The following PRKG1 variants were observed in gnomAD, a reference collection of about 807,000 sequenced individuals.
PRKG1 encodes cGMP-dependent protein kinase 1.
A neutral mutation model predicts 88.1 loss-of-function variants in PRKG1; 35 were observed. The ratio of observed to expected loss-of-function variants is 0.40; its 90% CI spans 0.30 to 0.53. PRKG1 has a LOEUF of 0.53. PRKG1 is among the 20% of genes least tolerant of loss of function. The probability of loss-of-function intolerance (pLI) is 0.59; values close to 1 mark genes in which losing one functional copy is unlikely to be tolerated. For missense variants in PRKG1, 540 were observed against 839.8 expected (o/e 0.64, Z 4.41); for synonymous variants, 303 against 292.5 (o/e 1.04, Z -0.37).
chr10:52,035,136 T>C (rs1292795307), intron 5 of PRKG1, among the ~76,000 whole-genome samples: 1 of 152,208 alleles, frequency 6.6e-6, no homozygotes, highest in Non-Finnish European at 1.5e-5. Context: ...TGAGGAATTA[T>C]GTCTGACAGA....
At chr10:51,375,024 A>G (rs999406934) in intron 2 of PRKG1, among the ~76,000 whole-genome samples, 1 of 152,196 alleles carries the variant, frequency 6.6e-6, no homozygotes, top group Non-Finnish European at 1.5e-5. Context: ...GACAGCAGTT[A>G]CAATATTAGG....
intron 1 of PRKG1, among the ~76,000 whole-genome samples, chr10:51,023,448 A>G (rs1458487578): frequency 6.6e-6 from 1 of 152,204 alleles, no homozygotes; most frequent in African/African-American, 2.4e-5. Context: ...TCTATAAAGC[A>G]TTGAGAAGTT....
At chr10:51,374,314 A>T (rs953869797) in intron 2 of PRKG1, among the ~76,000 whole-genome samples, 1 of 146,664 alleles carries the variant, frequency 6.8e-6, no homozygotes, top group African/African-American at 2.5e-5. Context: ...TCATTGTTCA[A>T]CTCCCACCCA....
intron 3 of PRKG1, among the ~76,000 whole-genome samples, chr10:51,669,326 GTC>G (rs775693088): frequency 6.6e-6 from 1 of 152,134 alleles, no homozygotes; most frequent in Non-Finnish European, 1.5e-5. Context: ...GAGATCTGAT[GTC>G]TCTTTCTTCT....
chr10:51,950,935 G>A (rs1180849781), intron 5 of PRKG1, among the ~76,000 whole-genome samples: 2 of 152,260 alleles, frequency 1.3e-5, no homozygotes, highest in Admixed American at 6.5e-5. Context: ...ACGTGGGGGT[G>A]GTCCCCCAAT....
In PRKG1 at chr10:51,444,265, G is replaced by A. The variant is rs1012186597; in HGVS notation, c.479-23458G>A. ...AGGACTCTGGAAAGAAAAGCCAACA[G>A]AGAATTGCACCTCATCATTTTGCAG... On this transcript the variant is annotated intron_variant, in intron 2 of 17. Coordinates refer to ENST00000373980, the MANE Select transcript of PRKG1 (RefSeq NM_006258.4). 2.6e-5 allele frequency among the ~76,000 whole-genome samples: 4 copies of A among 151,714 alleles called. No homozygotes were observed. In the Admixed American group the frequency reaches 2.6e-4, roughly 10 times the overall value.
intron 2 of PRKG1, among the ~76,000 whole-genome samples, chr10:51,166,185 C>T (rs1053255297): frequency 4.7e-5 from 7 of 150,190 alleles, no homozygotes; most frequent in East Asian, 1.9e-4. Context: ...CACTCAATGA[C>T]GGTACATGCC....
At chr10:51,800,376 G>A (rs771003073) in intron 3 of PRKG1, among the ~76,000 whole-genome samples, 13 of 152,008 alleles carry the variant, frequency 8.6e-5, no homozygotes, top group Non-Finnish European at 7.4e-5. Flanking sequence ...TGTGTAACTC[G>A]AAAATGCATT....
intron 3 of PRKG1, among the ~76,000 whole-genome samples, chr10:51,571,833 T>C (rs1007231881): frequency 6.6e-6 from 1 of 151,846 alleles, no homozygotes; most frequent in Non-Finnish European, 1.5e-5. Flanking sequence ...AAGATAGATA[T>C]ATTATTGTGG....
intron 1 of PRKG1, among the ~76,000 whole-genome samples, chr10:51,082,595 T>G (rs7071875): frequency 0.89 from 135,193 of 151,982 alleles, 60,321 homozygotes; most frequent in African/African-American, 0.97. Context: ...GTGTGTGTGT[T>G]TGTTGTGTGT....
At chr10:51,375,761 GTGTTACTATTTTATATAAA>G (rs765744949) in intron 2 of PRKG1, among the ~76,000 whole-genome samples, 32,417 of 151,452 alleles carry the variant, frequency 0.21, 3,554 homozygotes, top group Middle Eastern at 0.27. Flanking sequence ...TGGTGGGGGG[GTGTTACTATTTTATATAAA>G]GTGATCAGGG....
chr10:51,035,604 C>A (rs945066293), intron 1 of PRKG1, among the ~76,000 whole-genome samples: 1 of 152,138 alleles, frequency 6.6e-6, no homozygotes, highest in Non-Finnish European at 1.5e-5. Context: ...GCTCTGTAGC[C>A]TCAGCACCTA....
intron 2 of PRKG1, among the ~76,000 whole-genome samples, chr10:51,306,307 G>A (rs1335950065): frequency 2.0e-5 from 3 of 152,110 alleles, no homozygotes; most frequent in African/African-American, 7.2e-5. Flanking sequence ...TCACAGGCGA[G>A]AATGACAAGT....
intron 3 of PRKG1, among the ~76,000 whole-genome samples, chr10:51,508,359 T>G (rs1043186288): frequency 1.3e-5 from 2 of 152,172 alleles, no homozygotes; most frequent in Non-Finnish European, 2.9e-5. Flanking sequence ...TGATAATATT[T>G]TTAAAAATAA....
chr10:51,343,231 A>T (rs10996990), intron 2 of PRKG1, among the ~76,000 whole-genome samples: 2,146 of 152,056 alleles, frequency 0.014, 19 homozygotes, highest in Non-Finnish European at 0.021. Flanking sequence ...TTCCATCCCC[A>T]CTATCACCTG....
chr10:51,763,622 T>G (rs562043347), intron 3 of PRKG1, among the ~76,000 whole-genome samples: 31 of 141,814 alleles, frequency 2.2e-4, no homozygotes, highest in Non-Finnish European at 3.5e-4. Flanking sequence ...AAAAAAAAAG[T>G]AAGCATTCTC....
chr10:51,591,143 GTA>G (rs529059639), intron 3 of PRKG1, among the ~76,000 whole-genome samples: 42 of 39,622 alleles, frequency 1.1e-3, no homozygotes, highest in African/African-American at 1.8e-3. Context: ...AGGAAAAGTA[GTA>G]TGTGTGTGTG....
intron 4 of PRKG1, among the ~76,000 whole-genome samples, chr10:51,817,412 T>C (rs1564659155): frequency 6.9e-6 from 1 of 144,116 alleles, no homozygotes; most frequent in Admixed American, 7.3e-5. Flanking sequence ...TGTGTTCTCA[T>C]TGTTCAACTC....
Position 51,777,809 on chromosome 10 carries a change from C to CTATA in PRKG1, c.593-26775_593-26772dup, listed in dbSNP as rs570023598. Reference sequence around the variant, plus strand: ...TCAACCCTTGATTTTTTTACTGTCTCTATAGTTTTGCCTTTTCCAGAATGT... The same window carrying CTATA: ...TCAACCCTTGATTTTTTTACTGTCTCTATATATAGTTTTGCCTTTTCCAGAATGT... On this transcript the variant is annotated intron_variant, in intron 3 of 17. Transcript: ENST00000373980. Among the ~76,000 whole-genome samples the CTATA allele has an allele frequency of 2.9e-3, 436 of 152,212 alleles. 1 individual carries two copies. The highest frequency in any genetic ancestry group is 3.6e-3 in the Non-Finnish European group (248 of 68,006).
Sources: gnomAD v4.1 joint callset for allele counts (sites outside exome capture counted in the v4.1 genomes callset) on GRCh38, gnomAD v4.1.1 for gene constraint, MANE v1.5 for transcripts, NCBI Gene and HGNC (gene_info 2026-07-23, HGNC 2026-07-21) for gene names.